PHKB: variants seen among roughly 807,000 people sequenced by gnomAD.
The protein encoded by PHKB is phosphorylase kinase regulatory subunit beta.
A neutral mutation model predicts 152.1 loss-of-function variants in PHKB; 122 were observed. That is an observed-to-expected ratio of 0.80 (90% CI 0.69 to 0.93). The LOEUF is 0.93. Among genes scored for constraint, PHKB ranks in the 40% least tolerant of loss-of-function variants. The probability of loss-of-function intolerance (pLI) is 0.00; values close to 1 mark genes in which losing one functional copy is unlikely to be tolerated. For synonymous variants in PHKB, 436 were observed against 464.9 expected (o/e 0.94, Z 0.80); for missense variants, 1,304 against 1,328.4 (o/e 0.98, Z 0.29).
chr16:47,526,019 G>C lies in PHKB; in HGVS notation c.594+10418G>C, dbSNP rs1433564023. On this transcript the variant is annotated intron_variant, in intron 6 of 30. Transcript: ENST00000323584. ...GTTAGGGTAGATACATAATGGTCCA[G>C]TGTGAGAGCTAATCCGGGAAGTGGT... is the stretch of plus-strand genomic sequence containing the variant. 4.6e-5 allele frequency among the ~76,000 whole-genome samples: 7 copies of C among 152,158 alleles called. No individual in the cohort carries two copies. The East Asian group carries it at 1.3e-3, about 29-fold the overall frequency.
chr16:47,515,427 G>A lies in PHKB; in HGVS notation c.514-94G>A, dbSNP rs991938013. ...AGGAAATAGTTTTATGACACTATTAGAGCAAATGACTTGTAATTTTAGCCT... is the reference window on the plus strand; with the variant it reads ...AGGAAATAGTTTTATGACACTATTAAAGCAAATGACTTGTAATTTTAGCCT... On this transcript the variant is annotated intron_variant, in intron 5 of 30. Transcript: ENST00000323584. 7 of 733,004 alleles carry A rather than the reference G, an allele frequency of 9.5e-6. No homozygotes were observed. The African/African-American group carries it at 1.2e-4, about 13-fold the overall frequency. 45.4% of individuals were successfully genotyped at this position (733,004 alleles called of 1,614,324 possible). A position where few individuals can be genotyped will look rare whatever the true frequency, so the allele number is the denominator to read the frequency against.
chr16:47,584,331 T>G (rs1327838204), intron 8 of PHKB, among the ~76,000 whole-genome samples: 3 of 152,162 alleles, frequency 2.0e-5, no homozygotes, highest in Non-Finnish European at 4.4e-5. Flanking sequence ...ATTTAAACAG[T>G]AATATTTTAG....
chr16:47,665,905 T>G (rs1211457159), intron 25 of PHKB: 2 of 1,452,180 alleles, frequency 1.4e-6, no homozygotes, highest in South Asian at 2.3e-5. Context: ...TCTTTTAGAT[T>G]TGTGAACATC....
chr16:47,505,812 C>A (rs537442925), intron 4 of PHKB, among the ~76,000 whole-genome samples: 1 of 151,318 alleles, frequency 6.6e-6, no homozygotes, highest in Non-Finnish European at 1.5e-5. Context: ...ACGGGTGGAT[C>A]GCTTGAGGCC....
intron 26 of PHKB, among the ~76,000 whole-genome samples, chr16:47,674,319 A>C (rs1973689223): frequency 6.6e-6 from 1 of 152,278 alleles, no homozygotes; most frequent in Admixed American, 6.5e-5. Context: ...GATGATTCTA[A>C]GTTGGCCGCT....
At chr16:47,549,419 A>G (rs900635837) in intron 7 of PHKB, among the ~76,000 whole-genome samples, 1 of 152,240 alleles carries the variant, frequency 6.6e-6, no homozygotes, top group Non-Finnish European at 1.5e-5. Flanking sequence ...GGCCAGATGC[A>G]GTGGCTCACA....
At chr16:47,685,217 G>A (rs1973941709) in intron 26 of PHKB, among the ~76,000 whole-genome samples, 4 of 152,206 alleles carry the variant, frequency 2.6e-5, no homozygotes, top group Admixed American at 2.6e-4. Flanking sequence ...ACGAGGTTAG[G>A]AGTTCAAGAC....
At chr16:47,520,407 A>G (rs1970666026) in intron 6 of PHKB, among the ~76,000 whole-genome samples, 1 of 152,238 alleles carries the variant, frequency 6.6e-6, no homozygotes, top group African/African-American at 2.4e-5. Context: ...ACAAATGACC[A>G]AAATAATGCA....
chr16:47,533,633 A>C (rs1447719807), intron 6 of PHKB, among the ~76,000 whole-genome samples: 1 of 152,122 alleles, frequency 6.6e-6, no homozygotes, highest in Non-Finnish European at 1.5e-5. Context: ...TCTGGGCTCA[A>C]CCCTGACTTT....
chr16:47,488,431 C>G (rs1420094105), intron 1 of PHKB, among the ~76,000 whole-genome samples: 1 of 152,102 alleles, frequency 6.6e-6, no homozygotes, highest in Non-Finnish European at 1.5e-5. Flanking sequence ...TGTGAAGAAG[C>G]TCTTTAGTTT....
At chr16:47,564,123 T>C (rs968401735) in intron 7 of PHKB, among the ~76,000 whole-genome samples, 1 of 152,006 alleles carries the variant, frequency 6.6e-6, no homozygotes, top group Non-Finnish European at 1.5e-5. Context: ...TTTTGAATTA[T>C]GCTGTGATAA....
chr16:47,597,274 T>C (rs1972136474), intron 13 of PHKB, among the ~76,000 whole-genome samples: 1 of 152,160 alleles, frequency 6.6e-6, no homozygotes, highest in African/African-American at 2.4e-5. Context: ...TAAAATACTG[T>C]TATGATTTTT....
chr16:47,561,837 A>G (rs1971480824), intron 7 of PHKB: 1 of 152,232 alleles, frequency 6.6e-6, no homozygotes, highest in African/African-American at 2.4e-5. Context: ...CAAATTGTCC[A>G]AGTTCACTTT....
chr16:47,654,404 A>G (rs372118540), intron 20 of PHKB, among the ~76,000 whole-genome samples: 22 of 152,228 alleles, frequency 1.4e-4, no homozygotes, highest in East Asian at 9.7e-4. Context: ...CGATTCCTCA[A>G]GGATCTAGAA....
chr16:47,665,444 G>A (rs1291926964), intron 25 of PHKB: 1 of 221,536 alleles, frequency 4.5e-6, no homozygotes, highest in Non-Finnish European at 9.0e-6. Context: ...AGAAATACTG[G>A]TATTTCATTG....
intron 1 of PHKB, among the ~76,000 whole-genome samples, chr16:47,487,413 TTA>T (rs58238198): frequency 0.87 from 126,353 of 144,888 alleles, 54,294 homozygotes; most frequent in Non-Finnish European, 0.93. Context: ...GTACAAGAGT[TTA>T]TATATATATA....
In PHKB at chr16:47,665,944, C is replaced by T. The variant is rs1131063; in HGVS notation, c.2427+969C>T. 7.4e-5 allele frequency: 120 copies of T among 1,612,150 alleles called. No individual in the cohort carries two copies. Among genetic ancestry groups the T allele is most frequent in the Admixed American group, 2.2e-4 (13 of 59,990 alleles). On this transcript the variant is annotated intron_variant, in intron 25 of 30. Transcript: ENST00000323584. The stretch of plus-strand genomic sequence containing the variant: ...CCTGCTCTCTTCTTTGCCCCCAGGT[C>T]GGTTGTACGCCGTGCAGCAAGTCTT...
chr16:47,469,513 AC>A (rs2151627353), intron 1 of PHKB, among the ~76,000 whole-genome samples: 1 of 152,240 alleles, frequency 6.6e-6, no homozygotes, highest in East Asian at 1.9e-4. Flanking sequence ...AAAACCAAAT[AC>A]TACTGCATGT....
At chr16:47,695,852 T>TA (rs750687847) in intron 28 of PHKB, among the ~76,000 whole-genome samples, 14 of 152,364 alleles carry the variant, frequency 9.2e-5, no homozygotes, top group Non-Finnish European at 1.5e-4. Context: ...AAATGAAAGA[T>TA]AAAGGGCAGA....
Sources: allele counts gnomAD v4.1 joint callset (sites outside exome capture counted in the v4.1 genomes callset), GRCh38; gene constraint gnomAD v4.1.1; transcripts MANE v1.5; gene names NCBI Gene and HGNC (gene_info 2026-07-23, HGNC 2026-07-21).